Variants in KIAA1217 observed in about 807,000 individuals in gnomAD.
KIAA1217 encodes the protein KIAA1217.
A neutral mutation model predicts 163.9 loss-of-function variants in KIAA1217; 88 were observed. The ratio of observed to expected loss-of-function variants is 0.54; its 90% confidence interval spans 0.45 to 0.64. The LOEUF (loss-of-function observed/expected upper bound fraction) is 0.64. Among genes scored for constraint, KIAA1217 ranks in the 30% least tolerant of loss-of-function variants. The pLI, the probability that KIAA1217 is intolerant of heterozygous loss-of-function variation, is 0.00. For missense variants in KIAA1217, 2,372 were observed against 2,475.0 expected, an observed-to-expected ratio of 0.96 and a Z score of 0.88; for synonymous variants, 903 against 923.1, an observed-to-expected ratio of 0.98 and a Z score of 0.39.
intron 3 of KIAA1217, among the ~76,000 whole-genome samples, chr10:24,407,713 C>G (rs984145562): frequency 6.6e-6 from 1 of 152,082 alleles, no homozygotes; most frequent in East Asian, 1.9e-4. Flanking sequence ...TGTTCATGTC[C>G]CATTCCATTT....
intron 2 of KIAA1217, among the ~76,000 whole-genome samples, chr10:24,163,046 A>G (rs1472304048): frequency 6.6e-6 from 1 of 152,238 alleles, no homozygotes; most frequent in Admixed American, 6.5e-5. Context: ...TATTGGTCAT[A>G]CAGACCAACT....
At chr10:24,199,907 G>GAGC (rs2067168587) in intron 2 of KIAA1217, among the ~76,000 whole-genome samples, 1 of 152,020 alleles carries the variant, frequency 6.6e-6, no homozygotes, top group Non-Finnish European at 1.5e-5. Flanking sequence ...CAAGCCTCCT[G>GAGC]AGCAGCATTT....
At chr10:23,997,956 G>A (rs1373259359) in intron 1 of KIAA1217, among the ~76,000 whole-genome samples, 2 of 151,118 alleles carry the variant, frequency 1.3e-5, no homozygotes, top group East Asian at 3.9e-4. Flanking sequence ...GCTCCCTGAA[G>A]CCAGGAGGTA....
chr10:23,853,366 A>G (rs897886744), intron 1 of KIAA1217, among the ~76,000 whole-genome samples: 3 of 152,164 alleles, frequency 2.0e-5, no homozygotes, highest in African/African-American at 7.2e-5. Context: ...GATGAAGCCC[A>G]CTTGATCATG....
chr10:24,504,508 C>T (rs2068088021), intron 9 of KIAA1217, among the ~76,000 whole-genome samples: 1 of 152,164 alleles, frequency 6.6e-6, no homozygotes, highest in Non-Finnish European at 1.5e-5. Flanking sequence ...TATCTCGGCA[C>T]CAATTCTCCT....
In KIAA1217 at chr10:24,087,224, G is replaced by A. The variant is rs116562376; in HGVS notation, c.-171+79850G>A. On this transcript the variant is annotated intron_variant, in intron 2 of 18. Transcript: ENST00000376462. ...AAAGATTCATGTTAACTAGGATCAA[G>A]TTAAATCCTGGCCTAATGGCAATTT... 3.3e-3 allele frequency among the ~76,000 whole-genome samples: 497 copies of A among 152,306 alleles called. 1 individual carries two copies. The highest frequency in any genetic ancestry group is 0.011 in the African/African-American group (476 of 41,558).
At chr10:23,783,800 G>A (rs1170143701) in intron 1 of KIAA1217, among the ~76,000 whole-genome samples, 3 of 151,910 alleles carry the variant, frequency 2.0e-5, no homozygotes, top group Non-Finnish European at 4.4e-5. Context: ...TAGGTTGTGT[G>A]TTCCTAAGAA....
intron 1 of KIAA1217, among the ~76,000 whole-genome samples, chr10:23,959,585 T>C (rs900801147): frequency 2.4e-4 from 36 of 152,220 alleles, no homozygotes; most frequent in African/African-American, 8.7e-4. Flanking sequence ...ATTTATTTCA[T>C]GTAAATTTTA....
intron 1 of KIAA1217, among the ~76,000 whole-genome samples, chr10:23,934,577 A>ATATATATG (rs1843414110): frequency 1.7e-5 from 1 of 57,916 alleles, no homozygotes; most frequent in African/African-American, 1.8e-4. Context: ...ATATATATAT[A>ATATATATG]TATATATATA....
At chr10:24,454,241 G>T (rs1202685237) in intron 5 of KIAA1217, among the ~76,000 whole-genome samples, 3 of 152,184 alleles carry the variant, frequency 2.0e-5, no homozygotes, top group East Asian at 3.8e-4. Context: ...CCAGATAAAA[G>T]GTGTGACTAC....
chr10:23,790,404 T>C (rs1386590654), intron 1 of KIAA1217, among the ~76,000 whole-genome samples: 2 of 110,930 alleles, frequency 1.8e-5, no homozygotes, highest in Non-Finnish European at 3.6e-5. Flanking sequence ...TATATACATA[T>C]ATACATATAC....
intron 1 of KIAA1217, among the ~76,000 whole-genome samples, chr10:23,962,011 C>T (rs1210067576): frequency 6.6e-6 from 1 of 152,184 alleles, no homozygotes; most frequent in Non-Finnish European, 1.5e-5. Flanking sequence ...TCTATAAAGA[C>T]CCTTTCTCCA....
At chr10:23,841,731 A>C (rs1410634378) in intron 1 of KIAA1217, among the ~76,000 whole-genome samples, 2 of 152,134 alleles carry the variant, frequency 1.3e-5, no homozygotes, top group Non-Finnish European at 2.9e-5. Context: ...CTTAATGGGT[A>C]ATTTATTATT....
At chr10:24,263,294 G>A (rs2075897201) in intron 2 of KIAA1217, among the ~76,000 whole-genome samples, 1 of 152,226 alleles carries the variant, frequency 6.6e-6, no homozygotes, top group Non-Finnish European at 1.5e-5. Context: ...GCGTCTGCAT[G>A]GAGGTGGCTT....
intron 2 of KIAA1217, among the ~76,000 whole-genome samples, chr10:24,347,499 T>C (rs1356924298): frequency 6.6e-6 from 1 of 152,224 alleles, no homozygotes; most frequent in African/African-American, 2.4e-5. Flanking sequence ...GTGCCAGCTT[T>C]GACTACCCTT....
At position 24,220,754 on chromosome 10, in the gene KIAA1217, CTTTTTTT is replaced by C. The variant is rs58991505; in HGVS notation, c.354+862_354+868del. Among the ~76,000 whole-genome samples, 176 of 74,222 alleles carry C rather than the reference CTTTTTTT, an allele frequency of 2.4e-3. 5 individuals are homozygous for C. The highest frequency in any genetic ancestry group is 1.6e-3 in the Non-Finnish European group (66 of 42,042). The allele number at this position is 74,222 out of a possible 152,430, so 48.7% of individuals were successfully genotyped here. On this transcript the variant is annotated intron_variant, in intron 2 of 20. Coordinates refer to ENST00000376454, the MANE Select transcript of KIAA1217 (RefSeq NM_019590.5). ...CAGGCGTAAGCCACTGCACCCCGGC[CTTTTTTT>C]TTTTTTTTTTTTTTTTGGAGATGGG...
At chr10:24,494,888 G>A in intron 7 of KIAA1217, 3 of 576,012 alleles carry the variant, frequency 5.2e-6, no homozygotes, top group South Asian at 2.2e-5. Flanking sequence ...TGCAGTGCCT[G>A]CAACCACCAC....
chr10:24,352,920 G>A (rs1381362601), intron 2 of KIAA1217, among the ~76,000 whole-genome samples: 2 of 152,046 alleles, frequency 1.3e-5, no homozygotes, highest in African/African-American at 2.4e-5. Context: ...TAGATGGAGG[G>A]TGGGTGGGGG....
In KIAA1217 at chr10:24,471,916, G is replaced by T. The variant is rs575239624; in HGVS notation, c.847-1312G>T. Among the ~76,000 whole-genome samples, 4 of 149,238 alleles carry T rather than the reference G, an allele frequency of 2.7e-5. No individual in the cohort carries two copies. The East Asian group carries it at 6.0e-4, about 22-fold the overall frequency. On this transcript the variant is annotated intron_variant, in intron 5 of 20. Coordinates refer to ENST00000376454, the MANE Select transcript of KIAA1217 (RefSeq NM_019590.5). ...AAAAAAAAAAAAAAAAAAAATCTGT[G>T]TAGAACTTTTACCTCCCCGCAAACT...
Sources: allele counts gnomAD v4.1 joint callset (sites outside exome capture counted in the v4.1 genomes callset), GRCh38; gene constraint gnomAD v4.1.1; transcripts MANE v1.5; gene names NCBI Gene and HGNC (gene_info 2026-07-23, HGNC 2026-07-21).